Variants in PPP2R5A observed in about 807,000 individuals in gnomAD.
The protein encoded by PPP2R5A is protein phosphatase 2 regulatory subunit B'alpha, also known as serine/threonine-protein phosphatase 2A 56 kDa regulatory subunit alpha isoform.
Under a neutral mutation model 64.2 loss-of-function variants are expected in PPP2R5A, and 25 were observed. The observed-to-expected ratio is 0.39, with a 90% CI of 0.28 to 0.54. The LOEUF (loss-of-function observed/expected upper bound fraction) is 0.54. Among genes scored for constraint, PPP2R5A ranks in the 20% least tolerant of loss-of-function variants. The probability of loss-of-function intolerance (pLI) is 0.67; values close to 1 mark genes in which losing one functional copy is unlikely to be tolerated. For missense variants in PPP2R5A, 425 were observed against 576.3 expected, an observed-to-expected ratio of 0.74 and a Z score of 2.69; for synonymous variants, 198 against 201.2, an observed-to-expected ratio of 0.98 and a Z score of 0.13.
Position 212,349,311 on chromosome 1 carries a change from T to C in PPP2R5A, c.927+69T>C, listed in dbSNP as rs971740919. 1.5e-5 allele frequency: 17 copies of C among 1,170,608 alleles called. No individual in the cohort carries two copies. In the Admixed American group the frequency reaches 3.3e-4, roughly 23 times the overall value. The allele number at this position is 1,170,608 out of a possible 1,614,324, so 72.5% of individuals were successfully genotyped here. On this transcript the variant is annotated intron_variant, in intron 8 of 12. Coordinates refer to ENST00000261461, the MANE Select transcript of PPP2R5A (RefSeq NM_006243.4). ...GCATTTCATTGTAGCTTTCGTTTTATAGCCTTTATAGTTATTAAGTAGAAT... is the reference window on the plus strand; with the variant it reads ...GCATTTCATTGTAGCTTTCGTTTTACAGCCTTTATAGTTATTAAGTAGAAT...
At chr1:212,333,142 G>C (rs1352809268) in intron 2 of PPP2R5A, among the ~76,000 whole-genome samples, 1 of 152,050 alleles carries the variant, frequency 6.6e-6, no homozygotes, top group African/African-American at 2.4e-5. Flanking sequence ...ACCTCAGACA[G>C]TCTGCCCCCC....
intron 4 of PPP2R5A, 114 bp downstream of exon 4, chr1:212,342,394 T>C (rs1179877543): frequency 9.9e-6 from 13 of 1,307,426 alleles, no homozygotes; most frequent in Middle Eastern, 5.3e-4. Flanking sequence ...TTGACAGCAC[T>C]TAATATTACT....
chr1:212,360,984 G>A lies in PPP2R5A; in HGVS notation c.*214G>A, dbSNP rs1660070725. On this transcript the variant is annotated 3_prime_UTR_variant, in exon 13 of 13. Transcript: ENST00000261461. ...CCTTTGTCTAATCATTGGATTTATT[G>A]TGTCACTTCTGAAGTTTCACAGAAA... The A allele has an allele frequency of 2.9e-6, 1 of 339,332 alleles. No homozygotes were observed. The highest frequency in any genetic ancestry group is 2.1e-5 in the African/African-American group (1 of 47,202). The allele number at this position is 339,332 out of a possible 1,614,324, so 21.0% of individuals were successfully genotyped here. A position where few individuals can be genotyped will look rare whatever the true frequency, so the allele number is the denominator to read the frequency against.
chr1:212,301,568 A>G (rs2298115), intron 1 of PPP2R5A, among the ~76,000 whole-genome samples: 23,466 of 152,212 alleles, frequency 0.15, 2,500 homozygotes, highest in East Asian at 0.36. Context: ...CAGAACCTTA[A>G]TAAGTCATAT....
chr1:212,297,093 C>CCTCTTTTTTTTTTTTTTTTTTTTTT (rs1558138694), intron 1 of PPP2R5A, among the ~76,000 whole-genome samples: 1 of 81,916 alleles, frequency 1.2e-5, no homozygotes, highest in African/African-American at 5.0e-5. Flanking sequence ...TTCTTTGCTT[C>CCTCTTTTTTTTTTTTTTTTTTTTTT]TTCTTTTTTT....
chr1:212,339,352 T>C (rs952620619), intron 3 of PPP2R5A, among the ~76,000 whole-genome samples: 1 of 152,138 alleles, frequency 6.6e-6, no homozygotes, highest in African/African-American at 2.4e-5. Context: ...TAATTTTGTA[T>C]TTTTAGTAGA....
intron 1 of PPP2R5A, chr1:212,302,028 CAG>C (rs1658806807): frequency 1.3e-6 from 2 of 1,520,376 alleles, no homozygotes; most frequent in Admixed American, 4.0e-5. Context: ...GTTATCACCT[CAG>C]AAGTTTAGTT....
intron 1 of PPP2R5A, chr1:212,313,906 T>G (rs746155241): frequency 2.0e-5 from 3 of 152,222 alleles, no homozygotes; most frequent in Non-Finnish European, 4.4e-5. Context: ...AGAACAACTC[T>G]AATGGTTCCA....
chr1:212,310,150 T>TGCTCA (rs1279155383), intron 1 of PPP2R5A, among the ~76,000 whole-genome samples: 2 of 152,208 alleles, frequency 1.3e-5, no homozygotes, highest in Non-Finnish European at 2.9e-5. Flanking sequence ...TTCAGCTGAT[T>TGCTCA]GCTCAATTGT....
At chr1:212,349,031 A>G (rs1453121919) in intron 7 of PPP2R5A, among the ~76,000 whole-genome samples, 158 bp from the exon 8 acceptor site, 1 of 152,158 alleles carries the variant, frequency 6.6e-6, no homozygotes, top group African/African-American at 2.4e-5. Flanking sequence ...TTCACGATTG[A>G]GGTATTTCAC....
At chr1:212,345,991 C>G in intron 5 of PPP2R5A, 58 bp downstream of exon 5, 1 of 1,477,574 alleles carries the variant, frequency 6.8e-7, no homozygotes, top group East Asian at 2.4e-5. Context: ...TTCTTGTATT[C>G]AAGTTCTTTT....
At chr1:212,303,611 C>T (rs1434203922) in intron 1 of PPP2R5A, among the ~76,000 whole-genome samples, 1 of 151,820 alleles carries the variant, frequency 6.6e-6, no homozygotes, top group Non-Finnish European at 1.5e-5. Flanking sequence ...AGGATCCTTT[C>T]CCAGATATGA....
At chr1:212,313,683 A>T (rs1659083155) in intron 1 of PPP2R5A, 1 of 152,000 alleles carries the variant, frequency 6.6e-6, no homozygotes, top group African/African-American at 2.4e-5. Flanking sequence ...GACTTTAAAA[A>T]AAAAAACACC....
intron 8 of PPP2R5A, chr1:212,353,069 G>A (rs1659915776): frequency 4.6e-6 from 2 of 435,738 alleles, no homozygotes; most frequent in Non-Finnish European, 9.0e-6. Context: ...TTGGAGTGTT[G>A]GCCAGAAGTT....
chr1:212,326,246 T>TG (rs1659405925), intron 1 of PPP2R5A, among the ~76,000 whole-genome samples: 1 of 151,998 alleles, frequency 6.6e-6, no homozygotes, highest in Non-Finnish European at 1.5e-5. Context: ...TTCAATGTTT[T>TG]TTTTTTTTTT....
chr1:212,288,796 T>TA (rs1392151482), intron 1 of PPP2R5A, among the ~76,000 whole-genome samples: 1 of 152,190 alleles, frequency 6.6e-6, no homozygotes, highest in African/African-American at 2.4e-5. Flanking sequence ...TCCTCTGAAA[T>TA]ACCATCTTAC....
intron 1 of PPP2R5A, among the ~76,000 whole-genome samples, chr1:212,298,873 G>T (rs1441687997): frequency 1.1e-4 from 4 of 37,812 alleles, no homozygotes; most frequent in East Asian, 8.9e-4. Flanking sequence ...CTGGCCAGGC[G>T]GGGGGCTGAC....
At chr1:212,301,514 A>G (rs946696742) in intron 1 of PPP2R5A, among the ~76,000 whole-genome samples, 3 of 152,206 alleles carry the variant, frequency 2.0e-5, no homozygotes, top group African/African-American at 7.2e-5. Context: ...CTGAAATACG[A>G]TGTCTACAAT....
At chr1:212,340,608 TTATC>T (rs974869964) in intron 3 of PPP2R5A, among the ~76,000 whole-genome samples, 2 of 152,342 alleles carry the variant, frequency 1.3e-5, no homozygotes, top group African/African-American at 4.8e-5. Context: ...GATTAGAAAA[TTATC>T]TATGAATAAA....
Sources: gnomAD v4.1 joint callset for allele counts (sites outside exome capture counted in the v4.1 genomes callset) on GRCh38, gnomAD v4.1.1 for gene constraint, MANE v1.5 for transcripts, NCBI Gene and HGNC (gene_info 2026-07-23, HGNC 2026-07-21) for gene names.